Variants in ASIC2 observed in about 807,000 individuals in gnomAD.
ASIC2 encodes the protein acid-sensing ion channel 2.
ASIC2 carries 25 observed loss-of-function variants against 57.3 expected under a neutral mutation model. The observed-to-expected ratio is 0.44, with a 90% CI of 0.32 to 0.61. The LOEUF is 0.61. Among genes scored for constraint, ASIC2 ranks in the 20% least tolerant of loss-of-function variants. The probability of loss-of-function intolerance (pLI) is 0.06; values close to 1 mark genes in which losing one functional copy is unlikely to be tolerated. For missense variants in ASIC2, 641 were observed against 738.1 expected (o/e 0.87, Z 1.52); for synonymous variants, 319 against 307.5 (o/e 1.04, Z -0.39).
At chr17:34,018,391 G>A (rs74442203) in intron 1 of ASIC2, among the ~76,000 whole-genome samples, 11,585 of 152,170 alleles carry the variant, frequency 0.076, 1,104 homozygotes, top group African/African-American at 0.23. Context: ...TGATGAAGAC[G>A]TACAAGGAGA....
chr17:33,424,208 A>G (rs1911139009), intron 1 of ASIC2, among the ~76,000 whole-genome samples: 1 of 152,176 alleles, frequency 6.6e-6, no homozygotes, highest in African/African-American at 2.4e-5. Context: ...CCTGCCCCCA[A>G]GGGTTATACG....
At chr17:33,429,565 T>C (rs2141977310) in intron 1 of ASIC2, among the ~76,000 whole-genome samples, 1 of 152,196 alleles carries the variant, frequency 6.6e-6, no homozygotes, top group Non-Finnish European at 1.5e-5. Flanking sequence ...TAATTGTTTG[T>C]ATTTTTAGTA....
intron 2 of ASIC2, among the ~76,000 whole-genome samples, chr17:33,110,200 C>A (rs2092251356): frequency 1.3e-5 from 2 of 152,318 alleles, no homozygotes; most frequent in Non-Finnish European, 2.9e-5. Context: ...TTCCTTATTT[C>A]TCTCTTCTAC....
At chr17:33,782,750 GA>G (rs1354744621) in intron 1 of ASIC2, among the ~76,000 whole-genome samples, 1 of 152,092 alleles carries the variant, frequency 6.6e-6, no homozygotes, top group Non-Finnish European at 1.5e-5. Flanking sequence ...CCCACCAAAA[GA>G]AATAAAAATA....
intron 1 of ASIC2, among the ~76,000 whole-genome samples, chr17:33,545,848 C>T (rs957521344): frequency 1.3e-5 from 2 of 152,134 alleles, no homozygotes; most frequent in Admixed American, 6.5e-5. Context: ...ATTTATTTTA[C>T]GTTCTGGGTC....
At chr17:34,093,410 G>A (rs771507077) in intron 1 of ASIC2, among the ~76,000 whole-genome samples, 1 of 152,166 alleles carries the variant, frequency 6.6e-6, no homozygotes, top group Non-Finnish European at 1.5e-5. Flanking sequence ...TCCAGCCTCA[G>A]ACAAAAAGCG....
intron 1 of ASIC2, among the ~76,000 whole-genome samples, chr17:33,593,157 G>A (rs530484799): frequency 6.6e-5 from 10 of 152,174 alleles, no homozygotes; most frequent in Non-Finnish European, 1.0e-4. Flanking sequence ...AGATGAGGAC[G>A]GAGAAAGGTT....
intron 1 of ASIC2, among the ~76,000 whole-genome samples, chr17:33,133,636 T>A (rs2092356457): frequency 6.6e-6 from 1 of 152,202 alleles, no homozygotes; most frequent in African/African-American, 2.4e-5. Flanking sequence ...GACTCCAAAC[T>A]TATGACACTG....
At chr17:33,724,194 A>G (rs1457274594) in intron 1 of ASIC2, among the ~76,000 whole-genome samples, 1 of 151,972 alleles carries the variant, frequency 6.6e-6, no homozygotes, top group African/African-American at 2.4e-5. Context: ...CATGACTTTC[A>G]TTTTCCACCA....
At chr17:33,691,059 C>CTT (rs765428176) in intron 1 of ASIC2, among the ~76,000 whole-genome samples, 3 of 152,118 alleles carry the variant, frequency 2.0e-5, no homozygotes, top group Non-Finnish European at 2.9e-5. Flanking sequence ...TAGACAGTTA[C>CTT]TTTTCATTCT....
At chr17:33,159,115 T>C (rs947824652) in intron 1 of ASIC2, among the ~76,000 whole-genome samples, 1 of 152,226 alleles carries the variant, frequency 6.6e-6, no homozygotes, top group African/African-American at 2.4e-5. Context: ...CCACCTTTCT[T>C]GCTTTGTAAT....
rs773458504 is a variant in ASIC2, at chr17:33,123,388, G to T, written c.709-11321C>A. Among the ~76,000 whole-genome samples the T allele has an allele frequency of 1.3e-4, 20 of 152,128 alleles. 1 individual carries two copies. The highest frequency in any genetic ancestry group is 2.9e-5 in the Non-Finnish European group (2 of 68,014). ...TAAGACATTATGCTAAGTGAAATAC[G>T]CCAGGCACAGAAAGAGAAATACCAC... On this transcript the variant is annotated intron_variant, in intron 1 of 9. Transcript: ENST00000225823.
intron 1 of ASIC2, among the ~76,000 whole-genome samples, chr17:34,091,132 T>G (rs1004949428): frequency 6.6e-6 from 1 of 152,222 alleles, no homozygotes; most frequent in African/African-American, 2.4e-5. Context: ...CTCCAGTCCC[T>G]GAAGATCAAG....
At chr17:34,048,009 A>T (rs75182249) in intron 1 of ASIC2, among the ~76,000 whole-genome samples, 5,457 of 152,296 alleles carry the variant, frequency 0.036, 329 homozygotes, top group African/African-American at 0.12. Context: ...TTTCAAAAAC[A>T]GGGAGCTCAT....
At chr17:34,093,350 C>T (rs1910402943) in intron 1 of ASIC2, among the ~76,000 whole-genome samples, 1 of 152,102 alleles carries the variant, frequency 6.6e-6, no homozygotes, top group Non-Finnish European at 1.5e-5. Flanking sequence ...TGGGAATTGC[C>T]AACTTGACTT....
At chr17:33,525,310 C>T (rs932973459) in intron 1 of ASIC2, among the ~76,000 whole-genome samples, 3 of 152,182 alleles carry the variant, frequency 2.0e-5, no homozygotes, top group African/African-American at 7.2e-5. Flanking sequence ...CAGAGTGAAG[C>T]AGCCCCTTTG....
At chr17:33,087,575 G>GTTTTT (rs5820015) in intron 3 of ASIC2, among the ~76,000 whole-genome samples, 4,804 of 110,808 alleles carry the variant, frequency 0.043, 305 homozygotes, top group African/African-American at 0.1. Flanking sequence ...TACAACCAGT[G>GTTTTT]TTTTTTTTTT....
chr17:33,021,496 G>T (rs551456992), intron 6 of ASIC2, among the ~76,000 whole-genome samples, 186 bp from the exon 7 acceptor site: 1 of 152,234 alleles, frequency 6.6e-6, no homozygotes, highest in Non-Finnish European at 1.5e-5. Context: ...CTCCCAGCCC[G>T]GGTCTGGAGG....
intron 1 of ASIC2, among the ~76,000 whole-genome samples, chr17:34,058,066 T>A (rs1039554241): frequency 1.3e-5 from 2 of 152,214 alleles, no homozygotes; most frequent in Non-Finnish European, 2.9e-5. Context: ...CTAACTCAAC[T>A]TTCTCCTTGT....
Sources: allele counts gnomAD v4.1 joint callset (sites outside exome capture counted in the v4.1 genomes callset), GRCh38; gene constraint gnomAD v4.1.1; transcripts MANE v1.5; gene names NCBI Gene and HGNC (gene_info 2026-07-23, HGNC 2026-07-21).